Variants in SIRT5 observed in about 807,000 individuals in gnomAD.
SIRT5 encodes sirtuin 5, also known as NAD-dependent protein deacylase sirtuin-5, mitochondrial.
In SIRT5, 26 loss-of-function variants were observed where a neutral mutation model predicts 40.0. The ratio of observed to expected loss-of-function variants is 0.65; its 90% CI spans 0.48 to 0.90. The LOEUF (loss-of-function observed/expected upper bound fraction) is 0.90, where lower values mean the gene tolerates loss of function less well. SIRT5 is among the 40% of genes least tolerant of loss of function. The pLI is 0.00. For missense variants in SIRT5, 401 were observed against 402.4 expected (o/e 1.00, Z 0.03); for synonymous variants, 146 against 149.1 (o/e 0.98, Z 0.15).
At chr6:13,575,287 G>T (rs1407296651) in intron 1 of SIRT5, among the ~76,000 whole-genome samples, 1 of 152,124 alleles carries the variant, frequency 6.6e-6, no homozygotes, top group Non-Finnish European at 1.5e-5. Context: ...AGAGGGTGGC[G>T]CCCGGAAGCC....
At chr6:13,574,379 C>T (rs900509884), upstream of SIRT5, 1 of 152,032 alleles carries the variant, frequency 6.6e-6, no homozygotes, top group African/African-American at 2.4e-5. Flanking sequence ...GAGGTCCCGA[C>T]CAAGCACTGC....
rs1763995999 is a variant in SIRT5, at chr6:13,612,086, G to A, written c.*221G>A. 1 of 392,756 alleles carries A rather than the reference G, an allele frequency of 2.5e-6. No homozygotes were observed. Among genetic ancestry groups the A allele is most frequent in the Non-Finnish European group, 4.6e-6 (1 of 218,422 alleles). The allele number at this position is 392,756 out of a possible 1,614,324, so 24.3% of individuals were successfully genotyped here. On this transcript the variant is annotated 3_prime_UTR_variant, in exon 10 of 10. Coordinates refer to ENST00000606117, the MANE Select transcript of SIRT5 (RefSeq NM_012241.5). ...ACTGGAAAGTTAATTCATATTATTTGGTTTGAACTGAAACGTGAGGTATCT... is the reference window on the plus strand; with the variant it reads ...ACTGGAAAGTTAATTCATATTATTTAGTTTGAACTGAAACGTGAGGTATCT...
intron 1 of SIRT5, 89 bp from the exon 2 acceptor site, chr6:13,579,362 A>G (rs1214331505): frequency 1.3e-5 from 2 of 152,202 alleles, no homozygotes; most frequent in African/African-American, 4.8e-5. Flanking sequence ...AATTTCTTTT[A>G]AATTCTTAAT....
chr6:13,612,134 G>A lies in SIRT5; in HGVS notation c.*269G>A, dbSNP rs570835202. On this transcript the variant is annotated 3_prime_UTR_variant, in exon 10 of 10. Coordinates refer to ENST00000606117, the MANE Select transcript of SIRT5 (RefSeq NM_012241.5). ...TCTTTGATGTGTATGGTTGGTTATTGGGAGGGAAAAATTTTGTAAATTAGA... is the reference window on the plus strand; with the variant it reads ...TCTTTGATGTGTATGGTTGGTTATTAGGAGGGAAAAATTTTGTAAATTAGA... 7.2e-6 allele frequency: 2 copies of A among 278,832 alleles called. No individual in the cohort carries two copies. Among genetic ancestry groups the A allele is most frequent in the South Asian group, 1.5e-4 (1 of 6,616 alleles). The allele number at this position is 278,832 out of a possible 1,614,324, so 17.3% of individuals were successfully genotyped here.
At chr6:13,582,549 A>G (rs1759482316) in intron 2 of SIRT5, among the ~76,000 whole-genome samples, 1 of 151,370 alleles carries the variant, frequency 6.6e-6, no homozygotes, top group Non-Finnish European at 1.5e-5. Context: ...ATGAGTTTTG[A>G]CAGATACAGT....
intron 3 of SIRT5, among the ~76,000 whole-genome samples, chr6:13,585,405 C>T (rs1380853145): frequency 2.0e-5 from 3 of 151,858 alleles, no homozygotes; most frequent in Non-Finnish European, 2.9e-5. Flanking sequence ...CCACCACCCC[C>T]CGACAGGCCC....
intron 3 of SIRT5, among the ~76,000 whole-genome samples, chr6:13,586,803 T>C (rs1760142775): frequency 6.6e-6 from 1 of 152,134 alleles, no homozygotes; most frequent in Non-Finnish European, 1.5e-5. Context: ...GATGAGTAAG[T>C]TCCATCCCTG....
chr6:13,611,211 A>G (rs1032667868), intron 9 of SIRT5, among the ~76,000 whole-genome samples: 153 of 117,756 alleles, frequency 1.3e-3, no homozygotes, highest in African/African-American at 4.1e-3. Context: ...GTGTGTGTAT[A>G]TATATATATA....
At chr6:13,584,704 A>G (rs1196670917) in intron 3 of SIRT5, among the ~76,000 whole-genome samples, 1 of 152,112 alleles carries the variant, frequency 6.6e-6, no homozygotes, top group African/African-American at 2.4e-5. Flanking sequence ...CTATCTCCTT[A>G]ATACTCAAGT....
At chr6:13,575,383 G>A (rs1236111716) in intron 1 of SIRT5, among the ~76,000 whole-genome samples, 1 of 152,126 alleles carries the variant, frequency 6.6e-6, no homozygotes, top group Non-Finnish European at 1.5e-5. Context: ...TGATGGAACG[G>A]GAGGGAATGG....
chr6:13,611,752 G>A lies in SIRT5; in HGVS notation c.858-38G>A, dbSNP rs371025578. 7.7e-5 allele frequency: 114 copies of A among 1,482,968 alleles called. 2 individuals are homozygous for A. The South Asian group carries it at 1.2e-3, about 16-fold the overall frequency. 91.9% of individuals were successfully genotyped at this position (1,482,968 alleles called of 1,614,324 possible). A position where few individuals can be genotyped will look rare whatever the true frequency, so the allele number is the denominator to read the frequency against. On this transcript the variant is annotated intron_variant, in intron 9 of 9. Coordinates refer to ENST00000606117, the MANE Select transcript of SIRT5 (RefSeq NM_012241.5). ...AGTAGGGCATTCATTTTGCTAACCT[G>A]TAGTTCAAAACTGCTGTATTTGCTT... is the stretch of plus-strand genomic sequence containing the variant.
chr6:13,606,652 A>C (rs1763152810), intron 9 of SIRT5, among the ~76,000 whole-genome samples: 1 of 152,070 alleles, frequency 6.6e-6, no homozygotes, highest in Non-Finnish European at 1.5e-5. Context: ...ATAAAGCATA[A>C]ATCTACCTTC....
At chr6:13,606,756 A>T (rs2127727075) in intron 9 of SIRT5, among the ~76,000 whole-genome samples, 1 of 152,246 alleles carries the variant, frequency 6.6e-6, no homozygotes, top group South Asian at 2.1e-4. Context: ...ATCTTGGTTT[A>T]CTGGAAACTT....
At chr6:13,592,663 G>A (rs114429559) in intron 5 of SIRT5, among the ~76,000 whole-genome samples, 5,841 of 152,270 alleles carry the variant, frequency 0.038, 154 homozygotes, top group South Asian at 0.12. Flanking sequence ...CTATGATGTC[G>A]GTGGAGTTTG....
chr6:13,611,648 G>A, intron 9 of SIRT5, 142 bp from the exon 10 acceptor site: 1 of 683,820 alleles, frequency 1.5e-6, no homozygotes. Context: ...AAAGAAGTGG[G>A]CATGGAAATT....
intron 2 of SIRT5, among the ~76,000 whole-genome samples, chr6:13,582,293 T>C (rs2127616116): frequency 6.6e-6 from 1 of 152,336 alleles, no homozygotes; most frequent in African/African-American, 2.4e-5. Context: ...TTATAGCAAA[T>C]GCAAGAAAGT....
intron 3 of SIRT5, among the ~76,000 whole-genome samples, chr6:13,585,869 AGT>A (rs1436876289): frequency 1.4e-3 from 211 of 152,288 alleles, no homozygotes; most frequent in Admixed American, 3.5e-3. Flanking sequence ...ACAGTGTAAA[AGT>A]GTTCCTATTT....
chr6:13,581,098 T>C (rs1447541247), intron 2 of SIRT5, among the ~76,000 whole-genome samples: 1 of 152,202 alleles, frequency 6.6e-6, no homozygotes, highest in East Asian at 1.9e-4. Flanking sequence ...CTAACTAGAG[T>C]GCAATGATCT....
chr6:13,609,101 C>T (rs1763503845), intron 9 of SIRT5, among the ~76,000 whole-genome samples: 3 of 152,134 alleles, frequency 2.0e-5, no homozygotes, highest in Admixed American at 6.6e-5. Flanking sequence ...GAATTACAGG[C>T]GTGAGCCACT....
Sources: gnomAD v4.1 joint callset for allele counts (sites outside exome capture counted in the v4.1 genomes callset) on GRCh38, gnomAD v4.1.1 for gene constraint, MANE v1.5 for transcripts, NCBI Gene and HGNC (gene_info 2026-07-23, HGNC 2026-07-21) for gene names.